USP6NL: variants seen among roughly 807,000 people sequenced by gnomAD.
The protein encoded by USP6NL is USP6 N-terminal like.
In USP6NL, 26 loss-of-function variants were observed where a neutral mutation model predicts 61.9. That is an observed-to-expected ratio of 0.42 (90% CI 0.31 to 0.58). The LOEUF (loss-of-function observed/expected upper bound fraction) is 0.58, where lower values mean the gene tolerates loss of function less well. Ranked by LOEUF, USP6NL falls within the 20% of genes least tolerant of loss-of-function variation. The pLI is 0.16. For synonymous variants in USP6NL, 432 were observed against 390.1 expected (o/e 1.11, Z -1.27); for missense variants, 1,114 against 1,034.3 (o/e 1.08, Z -1.06).
intron 2 of USP6NL, among the ~76,000 whole-genome samples, chr10:11,546,328 G>C (rs1836269761): frequency 6.6e-6 from 1 of 152,222 alleles, no homozygotes; most frequent in Admixed American, 6.5e-5. Context: ...GTGATTATCT[G>C]AAGTAAGGGT....
rs1330791676 is a variant in USP6NL at position 11,595,824 on chromosome 10, AAG to A, written c.4+1805_4+1806del. Among the ~76,000 whole-genome samples, 1 of 152,230 alleles carries A rather than the reference AAG, an allele frequency of 6.6e-6. No homozygotes were observed. The highest frequency in any genetic ancestry group is 6.5e-5 in the Admixed American group (1 of 15,290). The stretch of plus-strand genomic sequence containing the variant: ...AAAATAAGCATGTAAAAGATCCACA[AAG>A]AGATAAAATAACAGAACCAATTGTT... On this transcript the variant is annotated intron_variant, in intron 2 of 14. Coordinates refer to ENST00000609104, the MANE Select transcript of USP6NL (RefSeq NM_014688.5). This position sits in a 1 kb window ranked among gnomAD's most constrained non-coding sequence, Gnocchi z 5.3.
chr10:11,532,254 G>C lies in USP6NL; in HGVS notation c.5-4687C>G, dbSNP rs757803828. ...TCATAGAGTAACTTATCTATTCCAA[G>C]ATTTCATTATTATTTTATAGTTCTC... On this transcript the variant is annotated intron_variant, in intron 2 of 14. Coordinates refer to ENST00000609104, the MANE Select transcript of USP6NL (RefSeq NM_014688.5). The surrounding 1 kb of genome is among the most constrained non-coding windows in gnomAD (Gnocchi z 4.1). 6 of 1,582,354 alleles carry C rather than the reference G, an allele frequency of 3.8e-6. No homozygotes were observed. The South Asian group carries it at 7.0e-5, about 19-fold the overall frequency.
At position 11,592,191 on chromosome 10, in the gene USP6NL, T is replaced by C. The variant is rs923495403; in HGVS notation, c.4+5440A>G. On this transcript the variant is annotated intron_variant, in intron 2 of 14. Transcript: ENST00000609104. The surrounding 1 kb of genome is among the most constrained non-coding windows in gnomAD (Gnocchi z 4.7). ...TCGGCCTCAGAATTACTCACTTTTC[T>C]ACAGCAAGTGGTCAAAAGAAGATAA... Among the ~76,000 whole-genome samples, 2 of 152,200 alleles carry C rather than the reference T, an allele frequency of 1.3e-5. No individual in the cohort carries two copies. The highest frequency in any genetic ancestry group is 2.4e-5 in the African/African-American group (1 of 41,460).
intron 5 of USP6NL, among the ~76,000 whole-genome samples, chr10:11,515,052 C>T (rs1486999522): frequency 6.6e-6 from 1 of 152,238 alleles, no homozygotes; most frequent in African/African-American, 2.4e-5. Context: ...GAACTGGCCT[C>T]TCCTACTGGG....
rs1834670867 is a variant in USP6NL, at chr10:11,510,699, T to C, written c.196-1024A>G. On this transcript the variant is annotated intron_variant, in intron 5 of 14. Coordinates refer to ENST00000609104, the MANE Select transcript of USP6NL (RefSeq NM_014688.5). The surrounding 1 kb of genome is among the most constrained non-coding windows in gnomAD (Gnocchi z 4.8). Reference sequence around the variant, plus strand: ...AAGTCTACTCAGAAAAGAAAATCATTCTGAGGATACATTTTATACTCAAGG... The same window carrying C: ...AAGTCTACTCAGAAAAGAAAATCATCCTGAGGATACATTTTATACTCAAGG... Among the ~76,000 whole-genome samples, 1 of 152,198 alleles carries C rather than the reference T, an allele frequency of 6.6e-6. No individual in the cohort carries two copies. The highest frequency in any genetic ancestry group is 1.5e-5 in the Non-Finnish European group (1 of 68,030).
rs2133134725 is a variant in USP6NL, at chr10:11,463,280, G to C, written c.1648C>G (p.Gln550Glu). The C allele has an allele frequency of 6.2e-7, 1 of 1,613,816 alleles. No individual in the cohort carries two copies. The highest frequency in any genetic ancestry group is 1.3e-5 in the African/African-American group (1 of 75,058). The part of the protein sequence containing the change: ...EDGKRGSTAS[Q>E]YDNVPGPELD... ...TCCGGGCCTGGCACGTTGTCGTACTGCGATGCAGTGGAGCCCCGCTTCCCG... is the reference window on the plus strand; with the variant it reads ...TCCGGGCCTGGCACGTTGTCGTACTCCGATGCAGTGGAGCCCCGCTTCCCG... Residue 550 changes from glutamine (Q) to glutamate (E), a missense_variant, in exon 15 of 15, where the codon CAG (glutamine) becomes GAG (glutamate). Coordinates refer to ENST00000609104, the MANE Select transcript of USP6NL (RefSeq NM_014688.5). The surrounding 1 kb of genome is among the most constrained non-coding windows in gnomAD (Gnocchi z 6.3).
rs1372351889 is a variant in USP6NL, at chr10:11,491,802, C to T, written c.495-922G>A. Among the ~76,000 whole-genome samples, 1 of 152,148 alleles carries T rather than the reference C, an allele frequency of 6.6e-6. No homozygotes were observed. The highest frequency in any genetic ancestry group is 1.5e-5 in the Non-Finnish European group (1 of 68,032). ...TTTCAGGAAGAAAGGTTTGAGTTAT[C>T]CCTCTAGGTAAAGAACCACAACCAT... On this transcript the variant is annotated intron_variant, in intron 8 of 14. Transcript: ENST00000609104. The surrounding 1 kb of genome is among the most constrained non-coding windows in gnomAD (Gnocchi z 4.7).
intron 14 of USP6NL, among the ~76,000 whole-genome samples, chr10:11,469,708 G>A (rs1035721782): frequency 4.6e-5 from 7 of 152,174 alleles, no homozygotes; most frequent in African/African-American, 1.7e-4. Flanking sequence ...TAAACCAAGT[G>A]AGGCTGGAGG....
chr10:11,573,919 C>G (rs1004779632), intron 2 of USP6NL: 1 of 357,708 alleles, frequency 2.8e-6, no homozygotes, highest in African/African-American at 2.1e-5. Context: ...TGTGAAAGCC[C>G]CATCCTCAAA....
At chr10:11,480,015 T>A (rs1388568513) in intron 14 of USP6NL, among the ~76,000 whole-genome samples, 1 of 152,186 alleles carries the variant, frequency 6.6e-6, no homozygotes, top group Non-Finnish European at 1.5e-5. Context: ...ATGGTCGTGC[T>A]AGAAAACGCA....
rs374033342 is a variant in USP6NL, at chr10:11,596,098, G to A, written c.4+1533C>T. Among the ~76,000 whole-genome samples, 72 of 152,222 alleles carry A rather than the reference G, an allele frequency of 4.7e-4. No individual in the cohort carries two copies. Among genetic ancestry groups the A allele is most frequent in the Middle Eastern group, 3.4e-3 (1 of 294 alleles). ...CGAAATTCAAACATGAAAGGCACAG[G>A]CTACCTGCCGTCAAAAAAACTTACA... On this transcript the variant is annotated intron_variant, in intron 2 of 14. Coordinates refer to ENST00000609104, the MANE Select transcript of USP6NL (RefSeq NM_014688.5). The surrounding 1 kb of genome is among the most constrained non-coding windows in gnomAD (Gnocchi z 4.1).
At position 11,463,335 on chromosome 10, in the gene USP6NL, C is replaced by G; in HGVS notation, c.1593G>C (p.Arg531=). ...CAGCATCCAGGGCCTTCATCTTTGG[C>G]CGCACGTTTGACACCCGCACCTCGG... is the stretch of plus-strand genomic sequence containing the variant. ...GPAEVRVSNV[R]PKMKALDAED... is the part of the protein sequence containing the mutation. Residue 531 remains arginine, a synonymous_variant, in exon 15 of 15, where the codon CGG becomes CGC. Coordinates refer to ENST00000609104, the MANE Select transcript of USP6NL (RefSeq NM_014688.5). This position sits in a 1 kb window ranked among gnomAD's most constrained non-coding sequence, Gnocchi z 6.3. 1 of 1,613,922 alleles carries G rather than the reference C, an allele frequency of 6.2e-7. No homozygotes were observed. Among genetic ancestry groups the G allele is most frequent in the Non-Finnish European group, 8.5e-7 (1 of 1,179,890 alleles).
At chr10:11,544,744 C>T (rs1305413926) in intron 2 of USP6NL, among the ~76,000 whole-genome samples, 1 of 152,164 alleles carries the variant, frequency 6.6e-6, no homozygotes, top group Admixed American at 6.5e-5. Flanking sequence ...CCGCCTCGGC[C>T]TCCCAAAGTG....
At position 11,460,788 on chromosome 10, in the gene USP6NL, C is replaced by T. The variant is rs1458126891; in HGVS notation, c.*1653G>A. 6.6e-6 allele frequency: 1 copy of T among 151,974 alleles called. No individual in the cohort carries two copies. The highest frequency in any genetic ancestry group is 1.5e-5 in the Non-Finnish European group (1 of 67,918). 9.4% of individuals were successfully genotyped at this position (151,974 alleles called of 1,614,324 possible). ...TGGTTATATAATGGGAATTAATATC[C>T]TCAGCTACATATTTATATACATTTA... On this transcript the variant is annotated 3_prime_UTR_variant, in exon 15 of 15. Transcript: ENST00000609104.
At chr10:11,473,183 G>A (rs1832826716) in intron 14 of USP6NL, among the ~76,000 whole-genome samples, 1 of 152,142 alleles carries the variant, frequency 6.6e-6, no homozygotes, top group African/African-American at 2.4e-5. Context: ...TTTATAAACA[G>A]TAGTTTTTTT....
chr10:11,525,462 C>T lies in USP6NL; in HGVS notation c.79G>A (p.Glu27Lys). Residue 27 changes from glutamate (E) to lysine (K), a missense_variant, in exon 4 of 15, where the codon GAA (glutamate) becomes AAA (lysine). Physicochemically the swap from Glu to Lys is moderately conservative, Grantham distance 56. Coordinates refer to ENST00000609104, the MANE Select transcript of USP6NL (RefSeq NM_014688.5). This position sits in a 1 kb window ranked among gnomAD's most constrained non-coding sequence, Gnocchi z 5.0. ...EIVAKYDRGR[E>K]GAEIEPWEDA... is the part of the protein sequence containing the mutation. ...TCCCAAGGTTCAATCTCTGCACCTTCTCGTCCCTAAAATAAGGCACAAAAA... is the reference window on the plus strand; with the variant it reads ...TCCCAAGGTTCAATCTCTGCACCTTTTCGTCCCTAAAATAAGGCACAAAAA... 1.3e-6 allele frequency: 2 copies of T among 1,584,182 alleles called. No individual in the cohort carries two copies. The highest frequency in any genetic ancestry group is 1.7e-6 in the Non-Finnish European group (2 of 1,171,558).
In USP6NL at chr10:11,561,421, G is replaced by A. The variant is rs1055016315; in HGVS notation, c.5-33854C>T. On this transcript the variant is annotated intron_variant, in intron 2 of 14. Coordinates refer to ENST00000609104, the MANE Select transcript of USP6NL (RefSeq NM_014688.5). The surrounding 1 kb of genome is among the most constrained non-coding windows in gnomAD (Gnocchi z 4.1). ...ATACACAGGATACACATGTGCATAC[G>A]TGCACAAGAACATATACGAACACAC... Among the ~76,000 whole-genome samples the A allele has an allele frequency of 2.0e-5, 3 of 152,238 alleles. No homozygotes were observed. The highest frequency in any genetic ancestry group is 1.3e-4 in the Admixed American group (2 of 15,298).
At chr10:11,556,878 T>A (rs1836727029) in intron 2 of USP6NL, among the ~76,000 whole-genome samples, 1 of 152,142 alleles carries the variant, frequency 6.6e-6, no homozygotes, top group African/African-American at 2.4e-5. Context: ...ATCAATCACA[T>A]CCAGTCTTTT....
chr10:11,594,066 T>C (rs961386542), intron 2 of USP6NL, among the ~76,000 whole-genome samples: 1 of 152,190 alleles, frequency 6.6e-6, no homozygotes, highest in Admixed American at 6.5e-5. Context: ...CAGTGACATA[T>C]ATTGCTATTT....
Sources: gnomAD v4.1 joint callset for allele counts (sites outside exome capture counted in the v4.1 genomes callset) on GRCh38, gnomAD v4.1.1 for gene constraint, Gnocchi (gnomAD v3.1) non-coding constraint, MANE v1.5 for transcripts, NCBI Gene and HGNC (gene_info 2026-07-23, HGNC 2026-07-21) for gene names.